ZNF362: variants seen among roughly 807,000 people sequenced by gnomAD.
The protein encoded by ZNF362 is zinc finger protein 362.
In ZNF362, 11 loss-of-function variants were observed where a neutral mutation model predicts 42.9. That is an observed-to-expected ratio of 0.26 (90% CI 0.16 to 0.42). The LOEUF (loss-of-function observed/expected upper bound fraction) is 0.42, where lower values mean the gene tolerates loss of function less well. ZNF362 is among the 20% of genes least tolerant of loss of function. ZNF362 has a pLI of 1.00. For missense variants in ZNF362, 362 were observed against 576.2 expected, an observed-to-expected ratio of 0.63 and a Z score of 3.81; for synonymous variants, 255 against 257.3, an observed-to-expected ratio of 0.99 and a Z score of 0.09.
At chr1:33,130,104 C>T in the ZNF362 span, among the ~76,000 whole-genome samples, 12 of 152,200 alleles carry the variant, frequency 7.9e-5, no homozygotes, top group Admixed American at 1.3e-4. Flanking sequence ...CGTGATCCAC[C>T]TGCCTTGGCC....
chr1:33,202,045 A>C, the ZNF362 span, among the ~76,000 whole-genome samples: 4 of 152,234 alleles, frequency 2.6e-5, no homozygotes, highest in African/African-American at 9.6e-5. Context: ...TCAAAAGATA[A>C]AAACTACCAA....
chr1:33,205,437 A>G, the ZNF362 span, among the ~76,000 whole-genome samples: 1 of 152,114 alleles, frequency 6.6e-6, no homozygotes, highest in Non-Finnish European at 1.5e-5. Flanking sequence ...CTGAGCTATG[A>G]TTGCACAACT....
chr1:33,196,063 A>G, the ZNF362 span: 7 of 152,064 alleles, frequency 4.6e-5, no homozygotes, highest in African/African-American at 1.7e-4. Context: ...CTTAGGTTTT[A>G]CTTTTTAAAC....
chr1:33,266,004 C>T lies in ZNF362; in HGVS notation c.-88-4483C>T. 6.6e-6 allele frequency among the ~76,000 whole-genome samples: 1 copy of T among 152,212 alleles called. No homozygotes were observed. The stretch of plus-strand genomic sequence containing the variant: ...CCATACTCTCCTTTGGCATCTCCCT[C>T]TTGCAATTTCCCCTTCCCCCATCAG... On this transcript the variant is annotated intron_variant, in intron 1 of 8. Transcript: ENST00000539719. This position sits in a 1 kb window ranked among gnomAD's most constrained non-coding sequence, Gnocchi z 4.3.
chr1:33,160,920 T>C, the ZNF362 span, among the ~76,000 whole-genome samples: 99 of 152,326 alleles, frequency 6.5e-4, no homozygotes, highest in African/African-American at 2.3e-3. Context: ...TGAACTTTCA[T>C]GGTTTTCTCT....
chr1:33,185,004 C>T, the ZNF362 span, among the ~76,000 whole-genome samples: 1 of 152,096 alleles, frequency 6.6e-6, no homozygotes, highest in Non-Finnish European at 1.5e-5. Context: ...TGGTCTCAAA[C>T]TCCTGACCTC....
the ZNF362 span, among the ~76,000 whole-genome samples, chr1:33,170,313 A>G: frequency 1.7e-5 from 1 of 58,892 alleles, no homozygotes; most frequent in African/African-American, 6.7e-5. Flanking sequence ...GACACAGCCC[A>G]GTCTCTTTAA....
the ZNF362 span, among the ~76,000 whole-genome samples, chr1:33,160,120 A>G: frequency 4.6e-5 from 7 of 152,130 alleles, no homozygotes; most frequent in East Asian, 1.9e-4. Context: ...GGCATGTTCT[A>G]TGTGGTCCAT....
the ZNF362 span, among the ~76,000 whole-genome samples, chr1:33,219,656 C>G: frequency 6.6e-6 from 1 of 152,070 alleles, no homozygotes; most frequent in Non-Finnish European, 1.5e-5. Context: ...TGTGGACAGC[C>G]AAGGAGTAGG....
At chr1:33,211,563 C>A in the ZNF362 span, among the ~76,000 whole-genome samples, 1 of 152,106 alleles carries the variant, frequency 6.6e-6, no homozygotes, top group Non-Finnish European at 1.5e-5. Flanking sequence ...TGAATATTGA[C>A]CCCCACTCTC....
chr1:33,171,982 A>T, the ZNF362 span, among the ~76,000 whole-genome samples: 1 of 152,096 alleles, frequency 6.6e-6, no homozygotes, highest in East Asian at 1.9e-4. Context: ...GGGTTTCACC[A>T]TGTTGGTCAG....
the ZNF362 span, among the ~76,000 whole-genome samples, chr1:33,177,543 G>GAT: frequency 2.0e-5 from 3 of 152,208 alleles, no homozygotes; most frequent in African/African-American, 7.2e-5. The surrounding 1 kb of genome is among the most constrained non-coding windows in gnomAD (Gnocchi z 4.1). Flanking sequence ...CAGAGGAGGT[G>GAT]ATATTTGACC....
the ZNF362 span, among the ~76,000 whole-genome samples, chr1:33,140,096 G>A: frequency 6.6e-6 from 1 of 152,108 alleles, no homozygotes; most frequent in East Asian, 1.9e-4. The surrounding 1 kb of genome is among the most constrained non-coding windows in gnomAD (Gnocchi z 4.0). Flanking sequence ...GCAGAGGGGG[G>A]TCCCTAAGAG....
intron 8 of ZNF362, 141 bp downstream of exon 8, chr1:33,295,446 T>A: frequency 8.8e-7 from 1 of 1,142,130 alleles, no homozygotes; most frequent in Non-Finnish European, 1.2e-6. Context: ...AGTGACACCC[T>A]GAGATCACAG....
chr1:33,203,422 T>G, the ZNF362 span, among the ~76,000 whole-genome samples: 1 of 152,232 alleles, frequency 6.6e-6, no homozygotes, highest in Non-Finnish European at 1.5e-5. Flanking sequence ...TGAATAATGC[T>G]GCAATGAACA....
chr1:33,275,010 A>G (rs1054671831), intron 2 of ZNF362: 1 of 984,988 alleles, frequency 1.0e-6, no homozygotes, highest in Non-Finnish European at 1.2e-6. Flanking sequence ...GGGGTTTCTC[A>G]AGCTCATAGA....
chr1:33,161,544 G>A, the ZNF362 span, among the ~76,000 whole-genome samples: 1 of 152,154 alleles, frequency 6.6e-6, no homozygotes, highest in Admixed American at 6.5e-5. The surrounding 1 kb of genome is among the most constrained non-coding windows in gnomAD (Gnocchi z 4.3). Flanking sequence ...TGCTGGCGGT[G>A]GGCCAGCCTC....
At chr1:33,158,540 T>G in the ZNF362 span, among the ~76,000 whole-genome samples, 1 of 152,328 alleles carries the variant, frequency 6.6e-6, no homozygotes, top group African/African-American at 2.4e-5. Flanking sequence ...CTCTAACCAT[T>G]CCCTCAGTCT....
At chr1:33,145,075 G>C in the ZNF362 span, among the ~76,000 whole-genome samples, 2 of 152,228 alleles carry the variant, frequency 1.3e-5, no homozygotes, top group African/African-American at 4.8e-5. Flanking sequence ...TGGTTCCCGA[G>C]ACCAGGCTCT....
Sources: gnomAD v4.1 joint callset for allele counts (sites outside exome capture counted in the v4.1 genomes callset) on GRCh38, gnomAD v4.1.1 for gene constraint, Gnocchi (gnomAD v3.1) non-coding constraint, MANE v1.5 for transcripts, NCBI Gene and HGNC (gene_info 2026-07-23, HGNC 2026-07-21) for gene names.